CPE: variants seen among roughly 807,000 people sequenced by gnomAD.
CPE encodes carboxypeptidase E.
A neutral mutation model predicts 53.5 loss-of-function variants in CPE; 17 were observed. That is an observed-to-expected ratio of 0.32 (90% CI 0.22 to 0.48). The LOEUF (loss-of-function observed/expected upper bound fraction) is 0.48. Among genes scored for constraint, CPE ranks in the 20% least tolerant of loss-of-function variants. The pLI is 0.99. For missense variants in CPE, 524 were observed against 614.7 expected (o/e 0.85, Z 1.56); for synonymous variants, 226 against 228.8 (o/e 0.99, Z 0.11).
At chr4:165,461,633 G>A (rs1025544086) in intron 1 of CPE, among the ~76,000 whole-genome samples, 2 of 152,144 alleles carry the variant, frequency 1.3e-5, no homozygotes, top group South Asian at 2.1e-4. Context: ...TTCCTTCACC[G>A]TTGCCTCACT....
At chr4:165,487,841 A>G (rs556450391) in intron 6 of CPE, among the ~76,000 whole-genome samples, 73 of 152,264 alleles carry the variant, frequency 4.8e-4, no homozygotes, top group African/African-American at 1.7e-3. Flanking sequence ...ATTCTAAGCA[A>G]GGGCAATCCT....
At chr4:165,425,791 G>A (rs1731307031) in intron 1 of CPE, among the ~76,000 whole-genome samples, 1 of 152,154 alleles carries the variant, frequency 6.6e-6, no homozygotes, top group South Asian at 2.1e-4. Flanking sequence ...CACAACTCTG[G>A]GGAGAGTAGG....
chr4:165,416,963 CT>C (rs1338924987), intron 1 of CPE, among the ~76,000 whole-genome samples: 3 of 152,106 alleles, frequency 2.0e-5, no homozygotes, highest in Admixed American at 6.5e-5. Flanking sequence ...CCTCCAGCTT[CT>C]CTTTATCTTA....
chr4:165,460,850 C>T (rs1482681698), intron 1 of CPE, among the ~76,000 whole-genome samples: 1 of 152,128 alleles, frequency 6.6e-6, no homozygotes, highest in African/African-American at 2.4e-5. Flanking sequence ...AGGTGACACA[C>T]TGGTGAGCTA....
At chr4:165,394,439 T>C (rs765495190) in intron 1 of CPE, among the ~76,000 whole-genome samples, 17 of 152,094 alleles carry the variant, frequency 1.1e-4, no homozygotes, top group Non-Finnish European at 1.3e-4. Context: ...AACATGACCA[T>C]TGGGAGTGGG....
intron 1 of CPE, among the ~76,000 whole-genome samples, chr4:165,411,277 T>C (rs1731038712): frequency 6.6e-6 from 1 of 152,242 alleles, no homozygotes; most frequent in South Asian, 2.1e-4. Context: ...TATTTAAAAA[T>C]TGACTTTTGG....
At chr4:165,464,115 C>T (rs1271475809) in intron 1 of CPE, among the ~76,000 whole-genome samples, 1 of 152,184 alleles carries the variant, frequency 6.6e-6, no homozygotes. Flanking sequence ...CTTAATTTAA[C>T]CCTAATTACC....
chr4:165,393,226 A>G (rs1042163094), intron 1 of CPE, among the ~76,000 whole-genome samples: 1 of 152,188 alleles, frequency 6.6e-6, no homozygotes, highest in Non-Finnish European at 1.5e-5. Flanking sequence ...AATTCAGCCC[A>G]TAGATTTTCT....
intron 1 of CPE, among the ~76,000 whole-genome samples, chr4:165,407,762 G>C (rs1225484306): frequency 1.3e-5 from 2 of 151,802 alleles, no homozygotes; most frequent in African/African-American, 4.8e-5. Flanking sequence ...TGCCATGTTG[G>C]CCAGGCTGGT....
At position 165,405,618 on chromosome 4, in the gene CPE, G is replaced by T. The variant is rs866510370; in HGVS notation, c.307+26090G>T. ...TTTGGAGAGATCTTCTTATCAGCTA[G>T]TCCTTTGGGAAAGTAATTGCAACTT... is the stretch of plus-strand genomic sequence containing the variant. On this transcript the variant is annotated intron_variant, in intron 1 of 8. Coordinates refer to ENST00000402744, the MANE Select transcript of CPE (RefSeq NM_001873.4). The T allele has an allele frequency of 3.9e-5, 31 of 788,106 alleles. 2 individuals carry two copies. The highest frequency in any genetic ancestry group is 3.9e-4 in the South Asian group (29 of 74,860). 48.8% of individuals were successfully genotyped at this position (788,106 alleles called of 1,614,324 possible).
chr4:165,436,099 T>C (rs984273284), intron 1 of CPE, among the ~76,000 whole-genome samples: 5 of 152,158 alleles, frequency 3.3e-5, no homozygotes, highest in African/African-American at 1.2e-4. Context: ...CCTTCCTCTC[T>C]TCTTTGCATA....
chr4:165,425,190 T>A (rs1731297434), intron 1 of CPE, among the ~76,000 whole-genome samples: 1 of 152,174 alleles, frequency 6.6e-6, no homozygotes, highest in Non-Finnish European at 1.5e-5. Context: ...AACTTCTTTT[T>A]AATTCCACTG....
In CPE at chr4:165,379,401, C is replaced by T. The variant is rs765745366; in HGVS notation, c.180C>T (p.Arg60=). Reference sequence around the variant, plus strand: ...AGTACCACCGCTACCCCGAGCTGCGCGAGGCGCTCGTGTCCGTGTGGCTGC... The same window carrying T: ...AGTACCACCGCTACCCCGAGCTGCGTGAGGCGCTCGTGTCCGTGTGGCTGC... ...SFEYHRYPEL[R]EALVSVWLQC... The change falls in exon 1 of 9, where the codon CGC becomes CGT. Residue 60 remains arginine, a synonymous_variant. Transcript: ENST00000402744. The surrounding 1 kb of genome is among the most constrained non-coding windows in gnomAD (Gnocchi z 6.0). 1.1e-5 allele frequency: 18 copies of T among 1,609,852 alleles called. No individual in the cohort carries two copies. The African/African-American group carries it at 2.3e-4, about 20-fold the overall frequency.
intron 1 of CPE, among the ~76,000 whole-genome samples, chr4:165,442,176 G>C (rs1428704552): frequency 6.6e-6 from 1 of 151,554 alleles, no homozygotes; most frequent in Non-Finnish European, 1.5e-5. Flanking sequence ...CTGAGTAGCT[G>C]GGACTACAGG....
rs182147766 is a variant in CPE at position 165,440,455 on chromosome 4, C to A, written c.308-23935C>A. The stretch of plus-strand genomic sequence containing the variant: ...TGCTGCTGCTGCTCTCACAACCCCA[C>A]CCCCCCCCACACACACAAGCTGTGG... On this transcript the variant is annotated intron_variant, in intron 1 of 8. Transcript: ENST00000402744. 4.1e-3 allele frequency among the ~76,000 whole-genome samples: 553 copies of A among 134,466 alleles called. 18 individuals are homozygous for A. The highest frequency in any genetic ancestry group is 5.1e-3 in the Non-Finnish European group (330 of 65,012). 88.2% of individuals were successfully genotyped at this position (134,466 alleles called of 152,430 possible).
chr4:165,391,732 A>G (rs79150413), intron 1 of CPE, among the ~76,000 whole-genome samples: 2 of 152,232 alleles, frequency 1.3e-5, no homozygotes, highest in African/African-American at 2.4e-5. Context: ...CTCCTATATG[A>G]GTGACATTCT....
At chr4:165,442,403 AG>A (rs1185268452) in intron 1 of CPE, among the ~76,000 whole-genome samples, 1 of 152,148 alleles carries the variant, frequency 6.6e-6, no homozygotes, top group Non-Finnish European at 1.5e-5. Context: ...GTGTATCCAC[AG>A]TACTACTTCC....
At chr4:165,405,676 A>G in intron 1 of CPE, 1 of 788,998 alleles carries the variant, frequency 1.3e-6, no homozygotes, top group South Asian at 1.3e-5. Context: ...TTCCTCTGGA[A>G]GTTTTAGTCC....
chr4:165,488,480 A>C (rs1394298701), intron 6 of CPE, among the ~76,000 whole-genome samples: 2 of 152,160 alleles, frequency 1.3e-5, no homozygotes, highest in Non-Finnish European at 2.9e-5. Context: ...TAGTATGTAG[A>C]CACTGGCCCC....
Sources: allele counts gnomAD v4.1 joint callset (sites outside exome capture counted in the v4.1 genomes callset), GRCh38; gene constraint gnomAD v4.1.1; non-coding constraint Gnocchi (gnomAD v3.1); transcripts MANE v1.5; gene names NCBI Gene and HGNC (gene_info 2026-07-23, HGNC 2026-07-21).